Variants in AKAP13 observed in about 807,000 individuals in gnomAD.
The protein encoded by AKAP13 is A-kinase anchoring protein 13.
In AKAP13, 80 loss-of-function variants were observed where a neutral mutation model predicts 264.5. The observed-to-expected ratio is 0.30, with a 90% CI of 0.25 to 0.36. AKAP13 has a LOEUF of 0.36. Ranked by LOEUF, AKAP13 falls within the 10% of genes least tolerant of loss-of-function variation. The probability of loss-of-function intolerance (pLI) is 1.00; values close to 1 mark genes in which losing one functional copy is unlikely to be tolerated. For synonymous variants in AKAP13, 1,380 were observed against 1,250.2 expected, an observed-to-expected ratio of 1.10 and a Z score of -2.19; for missense variants, 3,712 against 3,435.2, an observed-to-expected ratio of 1.08 and a Z score of -2.01.
At chr15:85,590,551 T>A (rs1362146206) in intron 8 of AKAP13, among the ~76,000 whole-genome samples, 6 of 152,230 alleles carry the variant, frequency 3.9e-5, no homozygotes, top group Admixed American at 3.9e-4. Context: ...TCTGCATTCG[T>A]TTACTTATAT....
Position 85,606,090 on chromosome 15 carries a change from CTT to C in AKAP13, c.4161+20292_4161+20293del, listed in dbSNP as rs369008646. ...AGATTTTCTGCACTGGTTTGATCTA[CTT>C]TTTTTTTTTTTTTTTTTTTTTTTTG... is the stretch of plus-strand genomic sequence containing the variant. On this transcript the variant is annotated intron_variant, in intron 8 of 36. Coordinates refer to ENST00000394518, the MANE Select transcript of AKAP13 (RefSeq NM_007200.5). Among the ~76,000 whole-genome samples the C allele has an allele frequency of 1.2e-4, 11 of 88,368 alleles. No individual in the cohort carries two copies. The South Asian group carries it at 1.3e-3, about 11-fold the overall frequency. 58.0% of individuals were successfully genotyped at this position (88,368 alleles called of 152,430 possible). A position where few individuals can be genotyped will look rare whatever the true frequency, so the allele number is the denominator to read the frequency against.
chr15:85,494,108 T>C (rs561901541), intron 2 of AKAP13, among the ~76,000 whole-genome samples: 57 of 152,210 alleles, frequency 3.7e-4, no homozygotes, highest in African/African-American at 1.3e-3. Context: ...ACTCATACCA[T>C]CTCTTATATG....
chr15:85,658,452 C>G, intron 11 of AKAP13, 85 bp from the exon 12 acceptor site: 1 of 1,163,944 alleles, frequency 8.6e-7, no homozygotes, highest in Non-Finnish European at 1.3e-6. Flanking sequence ...TGTCTCTCTC[C>G]CCAGTGTGGT....
chr15:85,491,406 A>T (rs2075719189), intron 2 of AKAP13, among the ~76,000 whole-genome samples: 1 of 151,428 alleles, frequency 6.6e-6, no homozygotes, highest in African/African-American at 2.4e-5. Context: ...AGGAAAAAAT[A>T]GTTTTAGTCC....
rs1167580336 is a variant in AKAP13 at position 85,580,021 on chromosome 15, C to G, written c.1953C>G (p.Pro651=). ...AAAGCCAAAAGGGCAAATCCTCACC[C>G]ATTTGTTCTACAACTGGAGACGATA... The part of the protein sequence containing the change: ...HAQSQKGKSS[P]ICSTTGDDKL... Residue 651 remains proline, a synonymous_variant, in exon 7 of 37, where the codon CCC becomes CCG. Transcript: ENST00000394518. The G allele has an allele frequency of 6.2e-7, 1 of 1,614,176 alleles. No individual in the cohort carries two copies. Among genetic ancestry groups the G allele is most frequent in the Non-Finnish European group, 8.5e-7 (1 of 1,180,000 alleles).
intron 3 of AKAP13, among the ~76,000 whole-genome samples, chr15:85,530,797 C>A (rs2077219719): frequency 6.6e-6 from 1 of 152,152 alleles, no homozygotes; most frequent in Non-Finnish European, 1.5e-5. Flanking sequence ...ATCCATCCAC[C>A]ATCAGTTTAT....
intron 1 of AKAP13, among the ~76,000 whole-genome samples, chr15:85,408,175 T>A (rs1249738471): frequency 2.0e-5 from 3 of 151,692 alleles, no homozygotes; most frequent in Non-Finnish European, 2.9e-5. Flanking sequence ...ATTACCTCAT[T>A]CAAAGTGGTT....
At chr15:85,417,239 C>T (rs1157330581) in intron 1 of AKAP13, among the ~76,000 whole-genome samples, 2 of 152,046 alleles carry the variant, frequency 1.3e-5, no homozygotes, top group Non-Finnish European at 2.9e-5. Flanking sequence ...TAATATGTGC[C>T]AGATGAGCTT....
chr15:85,561,030 A>G (rs1449141340), intron 5 of AKAP13, among the ~76,000 whole-genome samples: 1 of 148,980 alleles, frequency 6.7e-6, no homozygotes, highest in Non-Finnish European at 1.5e-5. Flanking sequence ...GATAGATGTG[A>G]TATGCCATCT....
In AKAP13 at chr15:85,602,423, G is replaced by A. The variant is rs367973928; in HGVS notation, c.4161+16600G>A. ...ACTCCTGATCTCAGGTGATCCTCCC[G>A]CCTCAGCCTCCCAGAGTGCTGTGAT... On this transcript the variant is annotated intron_variant, in intron 8 of 36. Transcript: ENST00000394518. Among the ~76,000 whole-genome samples, 13 of 151,754 alleles carry A rather than the reference G, an allele frequency of 8.6e-5. 2 individuals are homozygous for A. In the East Asian group the frequency reaches 1.2e-3, roughly 14 times the overall value.
At chr15:85,586,069 AT>A (rs2079326521) in intron 8 of AKAP13, among the ~76,000 whole-genome samples, 2 of 152,084 alleles carry the variant, frequency 1.3e-5, no homozygotes, top group East Asian at 1.9e-4. Flanking sequence ...GCTGAAAAAC[AT>A]TTTCCCCTTG....
At chr15:85,514,717 T>A (rs2076548401) in intron 2 of AKAP13, among the ~76,000 whole-genome samples, 1 of 137,736 alleles carries the variant, frequency 7.3e-6, no homozygotes. Context: ...TACCTGTCAG[T>A]GTTTGGTTGT....
intron 5 of AKAP13, among the ~76,000 whole-genome samples, chr15:85,562,577 ATAT>A (rs1567126528): frequency 0.038 from 2,672 of 69,934 alleles, 172 homozygotes; most frequent in African/African-American, 0.063. Flanking sequence ...AAAAAAAAAT[ATAT>A]ATATATATAT....
chr15:85,714,077 C>A (rs1051737206), intron 19 of AKAP13, among the ~76,000 whole-genome samples: 2 of 152,164 alleles, frequency 1.3e-5, no homozygotes, highest in Non-Finnish European at 2.9e-5. Flanking sequence ...CTACTAATAG[C>A]CTACTGTTGA....
At chr15:85,544,407 A>G (rs1227985755) in intron 5 of AKAP13, among the ~76,000 whole-genome samples, 1 of 152,238 alleles carries the variant, frequency 6.6e-6, no homozygotes, top group Non-Finnish European at 1.5e-5. Context: ...CATACAGAAA[A>G]TATTGTAAAC....
intron 15 of AKAP13, 105 bp from the exon 16 acceptor site, chr15:85,684,636 C>G: frequency 8.1e-7 from 1 of 1,235,424 alleles, no homozygotes; most frequent in Non-Finnish European, 1.1e-6. Flanking sequence ...GTGGCATACT[C>G]TATAAAAAGC....
Position 85,380,660 on chromosome 15 carries a change from A to G in AKAP13, c.-150A>G, listed in dbSNP as rs1476878492. 2 of 150,556 alleles carry G rather than the reference A, an allele frequency of 1.3e-5. No homozygotes were observed. Among genetic ancestry groups the G allele is most frequent in the Non-Finnish European group, 3.0e-5 (2 of 67,646 alleles). The allele number at this position is 150,556 out of a possible 1,614,324, so 9.3% of individuals were successfully genotyped here. On this transcript the variant is annotated 5_prime_UTR_variant, in exon 1 of 37. Coordinates refer to ENST00000394518, the MANE Select transcript of AKAP13 (RefSeq NM_007200.5). The stretch of plus-strand genomic sequence containing the variant: ...GCGGTGAAGCGCCTGTGCTCTGCCG[A>G]GACTGCCGTGCCCATTGCTCGCCTC...
intron 17 of AKAP13, among the ~76,000 whole-genome samples, chr15:85,705,431 T>C (rs1425229306): frequency 6.6e-6 from 1 of 152,172 alleles, no homozygotes; most frequent in Non-Finnish European, 1.5e-5. Context: ...GCCTAAAATA[T>C]TATAGATTTT....
chr15:85,444,423 T>G (rs1467938257), intron 1 of AKAP13, among the ~76,000 whole-genome samples: 4 of 152,206 alleles, frequency 2.6e-5, no homozygotes, highest in African/African-American at 7.2e-5. Context: ...AATGAAATCC[T>G]AAAGGCAATA....
Sources: gnomAD v4.1 joint callset for allele counts (sites outside exome capture counted in the v4.1 genomes callset) on GRCh38, gnomAD v4.1.1 for gene constraint, MANE v1.5 for transcripts, NCBI Gene and HGNC (gene_info 2026-07-23, HGNC 2026-07-21) for gene names.